Variants in CNTN4 observed in about 807,000 individuals in gnomAD.
The protein encoded by CNTN4 is contactin-4.
Under a neutral mutation model 122.5 loss-of-function variants are expected in CNTN4, and 77 were observed. The observed-to-expected ratio is 0.63, with a 90% confidence interval of 0.52 to 0.76. CNTN4 has a LOEUF of 0.76. Ranked by LOEUF, CNTN4 falls within the 30% of genes least tolerant of loss-of-function variation. The probability of loss-of-function intolerance (pLI) is 0.00; values close to 1 mark genes in which losing one functional copy is unlikely to be tolerated. For missense variants in CNTN4, 1,256 were observed against 1,259.1 expected, an observed-to-expected ratio of 1.00 and a Z score of 0.04; for synonymous variants, 512 against 447.0, an observed-to-expected ratio of 1.15 and a Z score of -1.83.
chr3:2,407,598 T>C (rs1385456819), intron 3 of CNTN4, among the ~76,000 whole-genome samples: 1 of 152,174 alleles, frequency 6.6e-6, no homozygotes, highest in African/African-American at 2.4e-5. Context: ...CTTAGCTTCA[T>C]GTGCTGCCTG....
chr3:2,887,267 C>T, intron 10 of CNTN4, 43 bp downstream of exon 10: 2 of 1,559,950 alleles, frequency 1.3e-6, no homozygotes, highest in Non-Finnish European at 1.8e-6. Flanking sequence ...TGCTACAGAA[C>T]TTCCTGATAT....
chr3:2,340,586 G>A (rs907440349), intron 3 of CNTN4, among the ~76,000 whole-genome samples: 4 of 150,674 alleles, frequency 2.7e-5, no homozygotes, highest in African/African-American at 4.9e-5. Context: ...AAGCTGAAGC[G>A]AAAGGATCAC....
At chr3:3,051,821 G>A (rs1401655162) in intron 23 of CNTN4, among the ~76,000 whole-genome samples, 1 of 152,194 alleles carries the variant, frequency 6.6e-6, no homozygotes, top group Admixed American at 6.5e-5. Flanking sequence ...CTTGTGTCTG[G>A]TTTTGTCTTG....
chr3:2,193,350 A>G (rs1205729382), intron 2 of CNTN4, among the ~76,000 whole-genome samples: 1 of 146,176 alleles, frequency 6.8e-6, no homozygotes, highest in Non-Finnish European at 1.5e-5. Flanking sequence ...AAGGAGAAGG[A>G]AAAAAAAAAG....
intron 6 of CNTN4, among the ~76,000 whole-genome samples, chr3:2,774,375 G>A (rs759318391): frequency 8.6e-5 from 13 of 151,840 alleles, no homozygotes; most frequent in African/African-American, 1.5e-4. Flanking sequence ...CTTTCCTACC[G>A]CCATTGTTCC....
chr3:2,815,052 T>C (rs1301409765), intron 6 of CNTN4, among the ~76,000 whole-genome samples: 1 of 152,220 alleles, frequency 6.6e-6, no homozygotes, highest in Non-Finnish European at 1.5e-5. Flanking sequence ...AAAATGACTC[T>C]GGATCCTCAT....
chr3:2,560,321 T>C (rs1007497268), intron 3 of CNTN4, among the ~76,000 whole-genome samples: 1 of 151,948 alleles, frequency 6.6e-6, no homozygotes, highest in Non-Finnish European at 1.5e-5. Context: ...TTTGTATTTT[T>C]AGTAGATATG....
chr3:2,624,195 T>C (rs1021362135), intron 4 of CNTN4, among the ~76,000 whole-genome samples: 13 of 152,232 alleles, frequency 8.5e-5, no homozygotes, highest in African/African-American at 3.1e-4. Flanking sequence ...ATTCTGTGTA[T>C]GTTATTTTAT....
chr3:2,313,471 A>G (rs983745707), intron 2 of CNTN4, among the ~76,000 whole-genome samples: 29 of 152,028 alleles, frequency 1.9e-4, no homozygotes, highest in African/African-American at 6.3e-4. Context: ...TTATTAACAG[A>G]TAAGCAATTT....
At chr3:2,224,878 C>T (rs576015285) in intron 2 of CNTN4, among the ~76,000 whole-genome samples, 23 of 152,240 alleles carry the variant, frequency 1.5e-4, no homozygotes, top group East Asian at 9.7e-4. Flanking sequence ...GGGTCGGGCG[C>T]GGTGGCTCAC....
At chr3:2,975,569 C>A (rs565493654) in intron 13 of CNTN4, among the ~76,000 whole-genome samples, 2 of 152,156 alleles carry the variant, frequency 1.3e-5, no homozygotes, top group South Asian at 4.1e-4. Context: ...CATCTCCATG[C>A]GCCCAATACT....
chr3:2,178,363 G>A (rs1036752746), intron 2 of CNTN4, among the ~76,000 whole-genome samples: 3 of 151,958 alleles, frequency 2.0e-5, no homozygotes, highest in Admixed American at 6.6e-5. Flanking sequence ...ATATGGAATA[G>A]GAAGAGTGTT....
At chr3:2,141,345 T>A (rs1246501828) in intron 2 of CNTN4, among the ~76,000 whole-genome samples, 3 of 151,714 alleles carry the variant, frequency 2.0e-5, no homozygotes, top group African/African-American at 7.3e-5. Context: ...GGGGCAGGAG[T>A]TGTGATTATG....
At chr3:2,468,776 C>T (rs1187807860) in intron 3 of CNTN4, among the ~76,000 whole-genome samples, 2 of 151,884 alleles carry the variant, frequency 1.3e-5, no homozygotes, top group African/African-American at 4.8e-5. Flanking sequence ...GGTATGGTCT[C>T]AAAATGCCAT....
At chr3:2,678,889 G>A (rs1027685206) in intron 4 of CNTN4, among the ~76,000 whole-genome samples, 3 of 147,852 alleles carry the variant, frequency 2.0e-5, no homozygotes, top group African/African-American at 7.6e-5. Flanking sequence ...CACCCAACTG[G>A]TTCCTTTTCT....
At position 3,052,410 on chromosome 3, in the gene CNTN4, C is replaced by T. The variant is rs78118142; in HGVS notation, c.2812-1397C>T. The stretch of plus-strand genomic sequence containing the variant: ...GTGAGGCAAAATTGCTCCCCTGCCC[C>T]TCCCACCCTGTTGAAAACCACTGAG... On this transcript the variant is annotated intron_variant, in intron 23 of 24. Coordinates refer to ENST00000418658, the MANE Select transcript of CNTN4 (RefSeq NM_175607.3). Among the ~76,000 whole-genome samples the T allele has an allele frequency of 8.7e-4, 132 of 152,278 alleles. 2 individuals carry two copies. The East Asian group carries it at 0.025, about 29-fold the overall frequency.
intron 3 of CNTN4, among the ~76,000 whole-genome samples, chr3:2,392,393 T>C (rs140091903): frequency 6.6e-6 from 1 of 152,316 alleles, no homozygotes; most frequent in African/African-American, 2.4e-5. Context: ...TTCTGGTCAT[T>C]AAATGTCTCT....
intron 7 of CNTN4, among the ~76,000 whole-genome samples, chr3:2,822,359 C>T (rs2092895124): frequency 1.3e-5 from 2 of 152,192 alleles, no homozygotes; most frequent in African/African-American, 4.8e-5. Context: ...TCTCAAATCC[C>T]TATTGATTCT....
intron 4 of CNTN4, among the ~76,000 whole-genome samples, chr3:2,677,329 ATT>A (rs201013532): frequency 4.2e-5 from 6 of 141,534 alleles, no homozygotes; most frequent in Admixed American, 7.1e-5. Flanking sequence ...ACCCATTGAG[ATT>A]TTTTTTTTTT....
Sources: allele counts gnomAD v4.1 joint callset (sites outside exome capture counted in the v4.1 genomes callset), GRCh38; gene constraint gnomAD v4.1.1; transcripts MANE v1.5; gene names NCBI Gene and HGNC (gene_info 2026-07-23, HGNC 2026-07-21).